DNHD1: variants seen among roughly 807,000 people sequenced by gnomAD.
The protein encoded by DNHD1 is dynein heavy chain domain 1, also known as dynein heavy chain domain-containing protein 1.
Under a neutral mutation model 458.1 loss-of-function variants are expected in DNHD1, and 383 were observed. The observed-to-expected ratio is 0.84, with a 90% CI of 0.77 to 0.91. The LOEUF (loss-of-function observed/expected upper bound fraction) is 0.91, where lower values mean the gene tolerates loss of function less well. DNHD1 is among the 40% of genes least tolerant of loss of function. The probability of loss-of-function intolerance (pLI) is 0.00; values close to 1 mark genes in which losing one functional copy is unlikely to be tolerated. For missense variants in DNHD1, 5,336 were observed against 5,866.1 expected (o/e 0.91, Z 2.95); for synonymous variants, 2,203 against 2,376.9 (o/e 0.93, Z 2.13).
In DNHD1 at chr11:6,557,751, T is replaced by C. The variant is rs1182394026; in HGVS notation, c.8456T>C (p.Leu2819Pro). Residue 2819 changes from leucine to proline, a missense_variant, in exon 25 of 43, where the codon CTG (leucine) becomes CCG (proline). Physicochemically the swap from Leu to Pro is moderately conservative, Grantham distance 98. Around this residue, in one of 4 missense-constraint regions of DNHD1, gnomAD observed 3,932 missense variants for 4,365.6 expected, o/e 0.90. Transcript: ENST00000254579. Reference sequence around the variant, plus strand: ...CATCCCCAGGAAAAGCCCTCAGACCTGGTCTTCAGTCAGGAGCTGATACTG... The same window carrying C: ...CATCCCCAGGAAAAGCCCTCAGACCCGGTCTTCAGTCAGGAGCTGATACTG... ...LLHPQEKPSD[L>P]VFSQELILGP... The C allele has an allele frequency of 6.4e-7, 1 of 1,551,702 alleles. No individual in the cohort carries two copies. Among genetic ancestry groups the C allele is most frequent in the Non-Finnish European group, 8.7e-7 (1 of 1,146,986 alleles).
intron 10 of DNHD1, among the ~76,000 whole-genome samples, chr11:6,526,073 A>G (rs556983494): frequency 7.9e-5 from 12 of 152,116 alleles, no homozygotes; most frequent in African/African-American, 2.6e-4. Context: ...TTACTGATAC[A>G]TTAGATCCTT....
rs1430832369 is a variant in DNHD1 at position 6,519,613 on chromosome 11, C to T, written c.1406C>T (p.Thr469Ile). 3 of 1,614,128 alleles carry T rather than the reference C, an allele frequency of 1.9e-6. No individual in the cohort carries two copies. Among genetic ancestry groups the T allele is most frequent in the South Asian group, 1.1e-5 (1 of 91,072 alleles). The change falls in exon 8 of 43, where the codon ACA becomes ATA. Residue 469 changes from threonine (T) to isoleucine (I), a missense_variant. Coordinates refer to ENST00000254579, the MANE Select transcript of DNHD1 (RefSeq NM_144666.3). ...CTATGCTCACAGGTTCACGAGGACA[C>T]ATACCACATGCAACAGTGCCTACAG... ...TSILRLVHED[T>I]YHMQQCLQER...
At chr11:6,511,186 C>G in intron 6 of DNHD1, 87 bp from the exon 7 acceptor site, 1 of 1,518,640 alleles carries the variant, frequency 6.6e-7, no homozygotes, top group Non-Finnish European at 8.9e-7. Flanking sequence ...TTTGTGCAGT[C>G]TGAGGTAAGC....
chr11:6,562,753 G>A (rs958282357), intron 28 of DNHD1, among the ~76,000 whole-genome samples: 3 of 152,080 alleles, frequency 2.0e-5, no homozygotes, highest in South Asian at 2.1e-4. Flanking sequence ...CGGGTGAAGC[G>A]GCTGCAGAAA....
intron 12 of DNHD1, among the ~76,000 whole-genome samples, chr11:6,529,332 T>C (rs1852779419): frequency 6.6e-6 from 1 of 152,188 alleles, no homozygotes; most frequent in South Asian, 2.1e-4. Flanking sequence ...TTGGCTCTGC[T>C]CATACCCTGT....
intron 18 of DNHD1, among the ~76,000 whole-genome samples, chr11:6,543,620 C>G (rs547442847): frequency 9.2e-5 from 14 of 152,242 alleles, no homozygotes; most frequent in Non-Finnish European, 1.8e-4. Context: ...ATTTTGAGAC[C>G]CCAGTGCTTT....
rs1476655312 is a variant in DNHD1 at position 6,558,697 on chromosome 11, A to T, written c.9211+4A>T. 3.9e-6 allele frequency: 6 copies of T among 1,548,370 alleles called. No individual in the cohort carries two copies. In the East Asian group the frequency reaches 9.8e-5, roughly 25 times the overall value. On this transcript the variant is annotated splice_donor_region_variant and intron_variant, in intron 26 of 42. Transcript: ENST00000254579. ...CAGAGTGTGCCCCTTGATGACGGTAAGCCCTTTTTACTTGTCCTTACCACT... is the reference window on the plus strand; with the variant it reads ...CAGAGTGTGCCCCTTGATGACGGTATGCCCTTTTTACTTGTCCTTACCACT...
At chr11:6,554,740 G>A (rs1402688219) in intron 24 of DNHD1, among the ~76,000 whole-genome samples, 1 of 152,178 alleles carries the variant, frequency 6.6e-6, no homozygotes, top group Admixed American at 6.5e-5. Context: ...TAATTAAAAA[G>A]ACTGACAATA....
chr11:6,532,844 A>G (rs763931003), intron 12 of DNHD1, among the ~76,000 whole-genome samples, 183 bp from the exon 13 acceptor site: 2 of 152,162 alleles, frequency 1.3e-5, no homozygotes, highest in Non-Finnish European at 2.9e-5. Flanking sequence ...GTCTACCAGT[A>G]TAGAGCACAG....
chr11:6,570,016 G>A lies in DNHD1; in HGVS notation c.12871G>A (p.Val4291Met), dbSNP rs1223794180. Residue 4291 changes from valine to methionine, a missense_variant, in exon 40 of 43, where the codon GTG becomes ATG. Around this residue, in one of 4 missense-constraint regions of DNHD1, gnomAD observed 698 missense variants for 664.9 expected, o/e 1.05. Transcript: ENST00000254579. ...TCCGCTCCCCTTCTCTAGGAGTCAA[G>A]TGACTCTAACCCAGGTTCTTCAGAC... ...LQAHRGRWSQ[V>M]TLTQVLQTQD... 4 of 1,613,704 alleles carry A rather than the reference G, an allele frequency of 2.5e-6. No individual in the cohort carries two copies. Among genetic ancestry groups the A allele is most frequent in the East Asian group, 2.2e-5 (1 of 44,890 alleles).
At chr11:6,526,106 C>T (rs1054387700) in intron 10 of DNHD1, among the ~76,000 whole-genome samples, 7 of 151,836 alleles carry the variant, frequency 4.6e-5, no homozygotes, top group Non-Finnish European at 1.0e-4. Flanking sequence ...CAATATTTTT[C>T]CCTTTCTCTT....
In DNHD1 at chr11:6,558,070, A is replaced by G. The variant is rs150059792; in HGVS notation, c.8775A>G (p.Gln2925=). Residue 2925 remains glutamine (Q), a synonymous_variant, in exon 25 of 43, where the codon CAA becomes CAG. Coordinates refer to ENST00000254579, the MANE Select transcript of DNHD1 (RefSeq NM_144666.3). ...LPSGSEEAIL[Q]CLRDASWHAG... ...CTGGGTCAGAGGAGGCCATTCTCCA[A>G]TGTCTACGAGATGCCAGCTGGCATG... 237 of 1,551,520 alleles carry G rather than the reference A, an allele frequency of 1.5e-4. 2 individuals carry two copies. The African/African-American group carries it at 2.5e-3, about 16-fold the overall frequency.
chr11:6,497,719 G>A lies in DNHD1; in HGVS notation c.-446+52G>A, dbSNP rs561615878. ...CTCCGTGTATGGGTGGCTATGATTA[G>A]GGTGAGCCTCAGACTGGAACTCAAG... On this transcript the variant is annotated intron_variant, in intron 2 of 42. Transcript: ENST00000254579. The A allele has an allele frequency of 1.7e-3, 283 of 162,708 alleles. No homozygotes were observed. The highest frequency in any genetic ancestry group is 3.2e-3 in the Non-Finnish European group (239 of 73,812). 10.1% of individuals were successfully genotyped at this position (162,708 alleles called of 1,614,324 possible).
chr11:6,527,772 T>C (rs142765657), intron 10 of DNHD1, among the ~76,000 whole-genome samples: 6 of 152,326 alleles, frequency 3.9e-5, no homozygotes, highest in African/African-American at 1.4e-4. Flanking sequence ...GTGTGGATAG[T>C]ATGGCTCTTA....
In DNHD1 at chr11:6,565,836, A is replaced by G; in HGVS notation, c.10898A>G (p.Glu3633Gly). ...AEERKNEQEK[E>G]QEENEEKEEE... ...GAAAGAAAAAATGAGCAGGAGAAAG[A>G]GCAAGAGGAAAATGAAGAGAAAGAG... The change falls in exon 33 of 43, where the codon GAG (glutamate) becomes GGG (glycine). Residue 3633 changes from glutamate to glycine, a missense_variant. By Grantham distance (98) the Glu-to-Gly change is moderately conservative. Coordinates refer to ENST00000254579, the MANE Select transcript of DNHD1 (RefSeq NM_144666.3). 3 of 1,551,744 alleles carry G rather than the reference A, an allele frequency of 1.9e-6. No homozygotes were observed. The highest frequency in any genetic ancestry group is 1.4e-5 in the African/African-American group (1 of 73,160).
chr11:6,512,949 C>G (rs1184697355), intron 7 of DNHD1, among the ~76,000 whole-genome samples: 1 of 152,090 alleles, frequency 6.6e-6, no homozygotes, highest in South Asian at 2.1e-4. Flanking sequence ...AAAGGAAATT[C>G]ATAGTCTCTC....
rs1421170834 is a variant in DNHD1 at position 6,567,375 on chromosome 11, G to T, written c.11866G>T (p.Ala3956Ser). 1 of 1,613,980 alleles carries T rather than the reference G, an allele frequency of 6.2e-7. No homozygotes were observed. The highest frequency in any genetic ancestry group is 8.5e-7 in the Non-Finnish European group (1 of 1,179,858). Residue 3956 changes from alanine (A) to serine (S), a missense_variant, in exon 36 of 43, where the codon GCA becomes TCA. Coordinates refer to ENST00000254579, the MANE Select transcript of DNHD1 (RefSeq NM_144666.3). The part of the protein sequence containing the change: ...TGKASELERL[A>S]LWPGLAASPS... ...GAAAGCATCAGAGCTGGAAAGACTG[G>T]CACTCTGGCCTGGACTAGCAGCCTC...
At position 6,497,927 on chromosome 11, in the gene DNHD1, C is replaced by T. The variant is rs1852060459; in HGVS notation, c.-289C>T. On this transcript the variant is annotated 5_prime_UTR_variant, in exon 3 of 43. Coordinates refer to ENST00000254579, the MANE Select transcript of DNHD1 (RefSeq NM_144666.3). ...ACGTCTGTCTTAGGCCTGCTCCTTA[C>T]CAGAGTCTTTGGGGAAGCAGTAGGG... 5.9e-5 allele frequency: 28 copies of T among 472,098 alleles called. No individual in the cohort carries two copies. The South Asian group carries it at 6.9e-4, about 12-fold the overall frequency. 29.2% of individuals were successfully genotyped at this position (472,098 alleles called of 1,614,324 possible).
Position 6,558,295 on chromosome 11 carries a change from G to C in DNHD1, c.9000G>C (p.Gln3000His). 6 of 1,550,670 alleles carry C rather than the reference G, an allele frequency of 3.9e-6. No homozygotes were observed. The highest frequency in any genetic ancestry group is 5.2e-6 in the Non-Finnish European group (6 of 1,146,612). Residue 3000 changes from glutamine to histidine, a missense_variant and splice_region_variant, in exon 25 of 43, where the codon CAG becomes CAC. Transcript: ENST00000254579. ...ACATCAAGAAGGAAATGGTGTTGCA[G>C]AGGTGAGGCCAAGAACCCCATATGC... ...KQNIKKEMVLQRFHQQVCSHL... is the reference protein window; with the variant it reads ...KQNIKKEMVLHRFHQQVCSHL...
Sources: gnomAD v4.1 joint callset for allele counts (sites outside exome capture counted in the v4.1 genomes callset) on GRCh38, gnomAD v4.1.1 for gene constraint, gnomAD v4.1.1 regional missense constraint, MANE v1.5 for transcripts, NCBI Gene and HGNC (gene_info 2026-07-23, HGNC 2026-07-21) for gene names.